THUMPD1: variants seen among roughly 807,000 people sequenced by gnomAD.
THUMPD1 encodes the protein THUMP domain-containing protein 1.
In THUMPD1, 31 loss-of-function variants were observed where a neutral mutation model predicts 31.6. The observed-to-expected ratio is 0.98, with a 90% CI of 0.74 to 1.32. The LOEUF (loss-of-function observed/expected upper bound fraction) is 1.32. Ranked by LOEUF, THUMPD1 falls within the 40% of genes most tolerant of loss-of-function variation. THUMPD1 has a pLI of 0.00. For missense variants in THUMPD1, 446 were observed against 427.8 expected, an observed-to-expected ratio of 1.04 and a Z score of -0.38; for synonymous variants, 166 against 158.2, an observed-to-expected ratio of 1.05 and a Z score of -0.37.
intron 1 of THUMPD1, among the ~76,000 whole-genome samples, 174 bp from the exon 2 acceptor site, chr16:20,739,245 G>A (rs914045495): frequency 1.3e-5 from 2 of 151,058 alleles, no homozygotes; most frequent in African/African-American, 4.9e-5. Flanking sequence ...GTGCGATCTT[G>A]ACTTGCTGCA....
chr16:20,737,936 G>C lies in THUMPD1; in HGVS notation c.427C>G (p.His143Asp), dbSNP rs1477130514. 6.3e-7 allele frequency: 1 copy of C among 1,596,198 alleles called. No homozygotes were observed. The change falls in exon 3 of 4, where the codon CAT (histidine) becomes GAT (aspartate). Residue 143 changes from histidine (H) to aspartate (D), a missense_variant. Transcript: ENST00000396083. ...GTTTTGTACATATCCTGGAGAATAT[G>C]ATGCACCAATTTCTCAGGCTCTTAA... The part of the protein sequence containing the change: ...LGIEPEKLVH[H>D]ILQDMYKTKK...
intron 2 of THUMPD1, 182 bp downstream of exon 2, chr16:20,738,715 A>G (rs574887013): frequency 1.8e-5 from 12 of 652,356 alleles, no homozygotes; most frequent in African/African-American, 7.3e-5. Context: ...TCATAAGCCA[A>G]TGCTACGTCC....
In THUMPD1 at chr16:20,741,504, G is replaced by A. The variant is rs921604567; in HGVS notation, c.231+5C>T. ...CGGCCCGCCCGCCCACCCCGGGACC[G>A]GTACCTTTTCTGGCCCATACATGTC... On this transcript the variant is annotated splice_donor_5th_base_variant and intron_variant, in intron 1 of 3. Transcript: ENST00000396083. 3 of 233,660 alleles carry A rather than the reference G, an allele frequency of 1.3e-5. No individual in the cohort carries two copies. Among genetic ancestry groups the A allele is most frequent in the Non-Finnish European group, 1.7e-5 (2 of 120,452 alleles). The allele number at this position is 233,660 out of a possible 1,614,324, so 14.5% of individuals were successfully genotyped here.
rs7192739 is a variant in THUMPD1, at chr16:20,737,651, T to G, written c.655+57A>C. ...TAAATCTTTAAAAAGAAAAAAATCCTTAAAAAACAAGTATTTACCATTGAA... is the reference window on the plus strand; with the variant it reads ...TAAATCTTTAAAAAGAAAAAAATCCGTAAAAAACAAGTATTTACCATTGAA... On this transcript the variant is annotated intron_variant, in intron 3 of 3. Coordinates refer to ENST00000396083, the MANE Select transcript of THUMPD1 (RefSeq NM_017736.5). 1,919 of 1,527,222 alleles carry G rather than the reference T, an allele frequency of 1.3e-3. 29 individuals carry two copies. In the African/African-American group the frequency reaches 0.024, roughly 19 times the overall value. The allele number at this position is 1,527,222 out of a possible 1,614,324, so 94.6% of individuals were successfully genotyped here.
In THUMPD1 at chr16:20,737,782, C is replaced by G. The variant is rs1329713329; in HGVS notation, c.581G>C (p.Gly194Ala). 1 of 1,613,622 alleles carries G rather than the reference C, an allele frequency of 6.2e-7. No individual in the cohort carries two copies. The highest frequency in any genetic ancestry group is 1.3e-5 in the African/African-American group (1 of 74,864). Residue 194 changes from glycine (G) to alanine (A), a missense_variant, in exon 3 of 4, where the codon GGG becomes GCG. Coordinates refer to ENST00000396083, the MANE Select transcript of THUMPD1 (RefSeq NM_017736.5). ...LEPWFKAPNK[G>A]TFQIVYKSRN... ...AGATTTGTACACAATCTGAAATGTC[C>G]CTTTGTTTGGAGCTTTAAACCAGGG...
rs2079857502 is a variant in THUMPD1 at position 20,735,053 on chromosome 16, G to C, written c.*1827C>G. The C allele has an allele frequency of 6.6e-6, 1 of 152,210 alleles. No homozygotes were observed. Among genetic ancestry groups the C allele is most frequent in the Non-Finnish European group, 1.5e-5 (1 of 68,044 alleles). 9.4% of individuals were successfully genotyped at this position (152,210 alleles called of 1,614,324 possible). A position where few individuals can be genotyped will look rare whatever the true frequency, so the allele number is the denominator to read the frequency against. On this transcript the variant is annotated 3_prime_UTR_variant, in exon 4 of 4. Transcript: ENST00000396083. ...CCAAGTGGCTGCAGAAACATTTCAA[G>C]AATTCCTCTGGCAAGGTGGCAAGTC... is the stretch of plus-strand genomic sequence containing the variant.
chr16:20,737,146 C>T lies in THUMPD1; in HGVS notation c.796G>A (p.Glu266Lys), dbSNP rs774984968. The T allele has an allele frequency of 6.2e-7, 1 of 1,614,094 alleles. No individual in the cohort carries two copies. The highest frequency in any genetic ancestry group is 1.3e-5 in the African/African-American group (1 of 74,924). Reference protein sequence around the residue: ...YMLFRKYNLQEVVKSPKDPSQ... With the variant: ...YMLFRKYNLQKVVKSPKDPSQ... ...GGATCCTTAGGGCTCTTCACCACCT[C>T]CTGGAGATTGTATTTTCTAAACAAC... is the stretch of plus-strand genomic sequence containing the variant. The change falls in exon 4 of 4, where the codon GAG becomes AAG. Residue 266 changes from glutamate to lysine, a missense_variant. By Grantham distance (56) the Glu-to-Lys change is moderately conservative. Transcript: ENST00000396083.
chr16:20,739,125 C>G, intron 1 of THUMPD1, 54 bp from the exon 2 acceptor site: 1 of 1,545,608 alleles, frequency 6.5e-7, no homozygotes, highest in Non-Finnish European at 8.8e-7. Context: ...CATTTAAACA[C>G]TATAAGTAAT....
chr16:20,739,554 C>T (rs886946593), intron 1 of THUMPD1, among the ~76,000 whole-genome samples: 1 of 152,104 alleles, frequency 6.6e-6, no homozygotes, highest in Non-Finnish European at 1.5e-5. Flanking sequence ...GAAGTGGTGG[C>T]TCATGCCCAT....
intron 2 of THUMPD1, 74 bp from the exon 3 acceptor site, chr16:20,738,030 C>G: frequency 7.5e-7 from 1 of 1,341,772 alleles, no homozygotes; most frequent in Non-Finnish European, 1.0e-6. Flanking sequence ...TGAATTTTCA[C>G]TGGCAATGAC....
intron 1 of THUMPD1, 48 bp downstream of exon 1, chr16:20,741,461 C>T (rs1230637373): frequency 3.4e-6 from 5 of 1,475,146 alleles, no homozygotes; most frequent in Non-Finnish European, 4.5e-6. Flanking sequence ...CTTCCCTCCT[C>T]CCGCAAGGCC....
chr16:20,738,844 G>T (rs1418151631), intron 2 of THUMPD1, 53 bp downstream of exon 2: 1 of 1,588,026 alleles, frequency 6.3e-7, no homozygotes, highest in Non-Finnish European at 8.6e-7. Flanking sequence ...CCCTGAGACA[G>T]GAAGATACCC....
chr16:20,739,002 T>C lies in THUMPD1; in HGVS notation c.301A>G (p.Lys101Glu). ...GATGCCTTAATGTCACCAACTTCTT[T>C]CTTCAAGGCAGCCTCCGCATCATCA... ...EDDDAEAALKKEVGDIKASTE... is the reference protein window; with the variant it reads ...EDDDAEAALKEEVGDIKASTE... The change falls in exon 2 of 4, where the codon AAA (lysine) becomes GAA (glutamate). Residue 101 changes from lysine to glutamate, a missense_variant. Transcript: ENST00000396083. The C allele has an allele frequency of 6.2e-7, 1 of 1,614,208 alleles. No individual in the cohort carries two copies. Among genetic ancestry groups the C allele is most frequent in the Non-Finnish European group, 8.5e-7 (1 of 1,180,028 alleles).
rs1861849287 is a variant in THUMPD1, at chr16:20,734,453, CCT to C, written c.*2425_*2426del. 6.6e-6 allele frequency: 1 copy of C among 152,324 alleles called. No individual in the cohort carries two copies. Among genetic ancestry groups the C allele is most frequent in the African/African-American group, 2.4e-5 (1 of 41,364 alleles). 9.4% of individuals were successfully genotyped at this position (152,324 alleles called of 1,614,324 possible). ...GAAGGTCCTGCCTATTCTCTTTGCC[CCT>C]CTCAAATCATTCTAGTCTGGTTTAC... On this transcript the variant is annotated 3_prime_UTR_variant, in exon 4 of 4. Coordinates refer to ENST00000396083, the MANE Select transcript of THUMPD1 (RefSeq NM_017736.5).
chr16:20,739,424 G>A (rs1032616631), intron 1 of THUMPD1, among the ~76,000 whole-genome samples: 2 of 152,050 alleles, frequency 1.3e-5, no homozygotes, highest in Admixed American at 6.5e-5. Context: ...ACTCGCCTCA[G>A]CCTCCCAAAG....
chr16:20,734,404 T>C lies in THUMPD1; in HGVS notation c.*2476A>G, dbSNP rs890195322. The C allele has an allele frequency of 4.6e-5, 7 of 152,604 alleles. No individual in the cohort carries two copies. Among genetic ancestry groups the C allele is most frequent in the Non-Finnish European group, 8.8e-5 (6 of 68,034 alleles). 9.5% of individuals were successfully genotyped at this position (152,604 alleles called of 1,614,324 possible). On this transcript the variant is annotated 3_prime_UTR_variant, in exon 4 of 4. Coordinates refer to ENST00000396083, the MANE Select transcript of THUMPD1 (RefSeq NM_017736.5). ...CTTCAATGTCATTAAGTATTAACAT[T>C]CTAAATATGTAAAGCTATAGAAGGA...
intron 1 of THUMPD1, among the ~76,000 whole-genome samples, chr16:20,740,297 AG>A (rs1239811406): frequency 1.3e-5 from 2 of 152,198 alleles, no homozygotes; most frequent in Non-Finnish European, 2.9e-5. Flanking sequence ...TCGGGGACTG[AG>A]GCAGGAGGAC....
intron 1 of THUMPD1, 28 bp downstream of exon 1, chr16:20,741,481 G>GGGGGGGGGGCCCCCCCCC: frequency 1.5e-6 from 2 of 1,308,412 alleles, no homozygotes; most frequent in Non-Finnish European, 9.9e-7. Flanking sequence ...CTGGCAGCCG[G>GGGGGGGGGGCCCCCCCCC]CCCGCCCGCC....
Position 20,741,656 on chromosome 16 carries a change from A to G in THUMPD1, c.84T>C (p.Ala28=). Residue 28 remains alanine, a synonymous_variant, in exon 1 of 4, where the codon GCT becomes GCC. Transcript: ENST00000396083. ...GKAQYVLAKR[A]RRCDAGGPRQ... is the part of the protein sequence containing the mutation. ...GGGGCCCGCCAGCGTCGCAGCGCCG[A>G]GCGCGCTTGGCCAGCACATACTGAG... 6.3e-7 allele frequency: 1 copy of G among 1,583,446 alleles called. No individual in the cohort carries two copies. The highest frequency in any genetic ancestry group is 2.3e-5 in the East Asian group (1 of 43,324).
Sources: gnomAD v4.1 joint callset for allele counts (sites outside exome capture counted in the v4.1 genomes callset) on GRCh38, gnomAD v4.1.1 for gene constraint, MANE v1.5 for transcripts, NCBI Gene and HGNC (gene_info 2026-07-23, HGNC 2026-07-21) for gene names.